Variants in IL25 observed in about 807,000 individuals in gnomAD.
The protein encoded by IL25 is interleukin 25.
Under a neutral mutation model 13.2 loss-of-function variants are expected in IL25, and 10 were observed. The observed-to-expected ratio is 0.76, with a 90% CI of 0.47 to 1.29. IL25 has a LOEUF of 1.29. IL25 is among the 50% of genes most tolerant of loss of function. The probability of loss-of-function intolerance (pLI) is 0.00; values close to 1 mark genes in which losing one functional copy is unlikely to be tolerated. For missense variants in IL25, 235 were observed against 232.4 expected (o/e 1.01, Z -0.07); for synonymous variants, 107 against 92.1 (o/e 1.16, Z -0.93).
exon 2 of IL25, chr14:23,376,039 G>C: frequency 2.2e-6 from 2 of 890,580 alleles, no homozygotes; most frequent in Non-Finnish European, 3.4e-6. Context: ...GGGAAAGCCT[G>C]CACTTCTGCA....
exon 2 of IL25, chr14:23,376,402 T>A (rs1159930001): frequency 1.9e-5 from 3 of 156,394 alleles, no homozygotes; most frequent in African/African-American, 7.2e-5. Context: ...TATTTAAAAA[T>A]GGCCTAATCT....
At chr14:23,372,820 C>T (rs1890450984), upstream of IL25, 1 of 760,222 alleles carries the variant, frequency 1.3e-6, no homozygotes, top group South Asian at 1.8e-5. Context: ...TCAAGTCACT[C>T]CCTAAAAAGA....
At chr14:23,374,443 C>T (rs1481678499) in intron 1 of IL25, among the ~76,000 whole-genome samples, 3 of 152,188 alleles carry the variant, frequency 2.0e-5, no homozygotes, top group East Asian at 3.8e-4. Context: ...GTATCTCCTA[C>T]CCCTTGGAGA....
chr14:23,376,211 TC>T (rs2138562615), exon 2 of IL25: 2 of 309,986 alleles, frequency 6.5e-6, no homozygotes, highest in Non-Finnish European at 1.2e-5. Flanking sequence ...ACAGGCACTT[TC>T]TAGATATTTC....
chr14:23,375,234 C>T (rs1404256293), intron 1 of IL25, among the ~76,000 whole-genome samples: 7 of 152,002 alleles, frequency 4.6e-5, no homozygotes, highest in South Asian at 2.1e-4. Context: ...TTGGGTACTC[C>T]GTCTCAAAAA....
chr14:23,376,022 G>C, exon 2 of IL25: 1 of 1,162,972 alleles, frequency 8.6e-7, no homozygotes, highest in South Asian at 1.5e-5. Context: ...CAGGATGGGG[G>C]GCTTTGGGGA....
At chr14:23,373,858 A>G (rs1421887915) in intron 1 of IL25, among the ~76,000 whole-genome samples, 1 of 152,194 alleles carries the variant, frequency 6.6e-6, no homozygotes. Flanking sequence ...AAAGGAGTGA[A>G]ACCCTTAACT....
exon 1 of IL25, chr14:23,373,373 G>A (rs765773077): frequency 9.3e-6 from 15 of 1,612,850 alleles, no homozygotes; most frequent in Non-Finnish European, 1.2e-5. Flanking sequence ...TCAACAGCAG[G>A]GCCATCTCCC....
intron 1 of IL25, among the ~76,000 whole-genome samples, chr14:23,373,634 T>C (rs1890472139): frequency 6.6e-6 from 1 of 151,918 alleles, no homozygotes; most frequent in African/African-American, 2.4e-5. Context: ...AATGATATAA[T>C]GCCCCATAGG....
In IL25 at chr14:23,375,671, C is replaced by T. The variant is rs774468698; in HGVS notation, c.325C>T (p.Arg109Cys). The T allele has an allele frequency of 2.1e-5, 34 of 1,614,118 alleles. No homozygotes were observed. The highest frequency in any genetic ancestry group is 4.4e-5 in the South Asian group (4 of 91,092). The change falls in exon 2 of 2, where the codon CGT (arginine) becomes TGT (cysteine). Residue 109 changes from arginine to cysteine, a missense_variant. By Grantham distance (180) the Arg-to-Cys change is radical. Coordinates refer to ENST00000329715, the Ensembl canonical transcript of IL25. Reference sequence around the variant, plus strand: ...GCTCCCCCAGGACCTGTACCACGCCCGTTGCCTGTGCCCGCACTGCGTCAG... The same window carrying T: ...GCTCCCCCAGGACCTGTACCACGCCTGTTGCCTGTGCCCGCACTGCGTCAG...
At chr14:23,372,920 G>C in exon 1 of IL25, 1 of 1,588,056 alleles carries the variant, frequency 6.3e-7, no homozygotes, top group Admixed American at 1.7e-5. Context: ...CTTCCACGAG[G>C]CCTGTCAGTC....
At chr14:23,375,587 C>A in intron 1 of IL25, 38 bp from the exon 3 acceptor site, 1 of 1,598,022 alleles carries the variant, frequency 6.3e-7, no homozygotes, top group Non-Finnish European at 8.5e-7. Flanking sequence ...CTGTTTCCGG[C>A]CCATCTTTCC....
chr14:23,374,543 A>G (rs982240918), intron 1 of IL25, among the ~76,000 whole-genome samples: 1 of 152,228 alleles, frequency 6.6e-6, no homozygotes, highest in African/African-American at 2.4e-5. Context: ...TTAAGCACCC[A>G]ACAGGTGCAG....
Position 23,375,727 on chromosome 14 carries a change from G to C in IL25, c.381G>C (p.Arg127=), listed in dbSNP as rs759921505. 6.2e-6 allele frequency: 10 copies of C among 1,614,070 alleles called. No homozygotes were observed. The Admixed American group carries it at 1.3e-4, about 22-fold the overall frequency. ...AGACAGGCTCCCACATGGACCCCCG[G>C]GGCAACTCGGAGCTGCTCTACCACA... The change falls in exon 2 of 2, where the codon CGG becomes CGC. Residue 127 remains arginine (R), a synonymous_variant. Transcript: ENST00000329715.
At chr14:23,373,494 C>T in intron 1 of IL25, 98 bp downstream of exon 2, 3 of 1,037,296 alleles carry the variant, frequency 2.9e-6, no homozygotes, top group Non-Finnish European at 1.4e-6. Context: ...CCATTTTGAT[C>T]TCAGAGGGGC....
exon 2 of IL25, chr14:23,376,152 C>T: frequency 4.2e-6 from 2 of 479,902 alleles, no homozygotes; most frequent in Non-Finnish European, 7.4e-6. Context: ...CTGGAGGCCA[C>T]CACTCCTGTC....
At position 23,373,065 on chromosome 14, in the gene IL25, T is replaced by A. The variant is rs1890455476; in HGVS notation, c.-54T>A. The A allele has an allele frequency of 1.1e-5, 18 of 1,613,984 alleles. No individual in the cohort carries two copies. The South Asian group carries it at 2.0e-4, about 18-fold the overall frequency. ...TGGAGGGAGGCCAAGCTGCCAGGTT[T>A]GGGGCTGGGGGCCAAGTGGAGTGAG... On this transcript the variant is annotated 5_prime_UTR_variant, in exon 1 of 2. Coordinates refer to ENST00000329715, the Ensembl canonical transcript of IL25.
At chr14:23,372,949 G>A in exon 1 of IL25, 1 of 1,613,204 alleles carries the variant, frequency 6.2e-7, no homozygotes, top group Non-Finnish European at 8.5e-7. Context: ...ACTTGTGACT[G>A]AGTGTGCAGT....
chr14:23,373,169 C>T lies in IL25; in HGVS notation c.51C>T (p.Phe17=). The T allele has an allele frequency of 6.2e-7, 1 of 1,614,216 alleles. No homozygotes were observed. The highest frequency in any genetic ancestry group is 1.3e-5 in the African/African-American group (1 of 75,054). Residue 17 remains phenylalanine, a synonymous_variant, in exon 1 of 2, where the codon TTC becomes TTT. Transcript: ENST00000329715. ...AGGACAGTTCTCTCATTAGCCTTTT[C>T]CTACAGGTGGTTGCATTCTTGGCAA...
Sources: gnomAD v4.1 joint callset for allele counts (sites outside exome capture counted in the v4.1 genomes callset) on GRCh38, gnomAD v4.1.1 for gene constraint, MANE v1.5 for transcripts, NCBI Gene and HGNC (gene_info 2026-07-23, HGNC 2026-07-21) for gene names.